The following PIK3CD variants were observed in gnomAD, a reference collection of about 807,000 sequenced individuals.
PIK3CD encodes phosphatidylinositol-4,5-bisphosphate 3-kinase catalytic subunit delta.
In PIK3CD, 20 loss-of-function variants were observed where a neutral mutation model predicts 122.9. The ratio of observed to expected loss-of-function variants is 0.16; its 90% CI spans 0.11 to 0.24. The LOEUF is 0.24. Ranked by LOEUF, PIK3CD falls within the 10% of genes least tolerant of loss-of-function variation. The pLI, the probability that PIK3CD is intolerant of heterozygous loss-of-function variation, is 1.00. For synonymous variants in PIK3CD, 596 were observed against 593.4 expected (o/e 1.00, Z -0.06); for missense variants, 787 against 1,406.3 (o/e 0.56, Z 7.04).
At chr1:9,666,329 C>G (rs1215285224) in intron 1 of PIK3CD, among the ~76,000 whole-genome samples, 1 of 144,802 alleles carries the variant, frequency 6.9e-6, no homozygotes, top group African/African-American at 2.6e-5. Context: ...CAACCTCTGC[C>G]CCCCCAGGTT....
chr1:9,690,015 T>G (rs980880869), intron 1 of PIK3CD, among the ~76,000 whole-genome samples: 1 of 152,174 alleles, frequency 6.6e-6, no homozygotes, highest in Non-Finnish European at 1.5e-5. Context: ...CTGCCGCCCT[T>G]GATGGGATCC....
chr1:9,728,135 A>G lies in PIK3CD; in HGVS notation c.*1089A>G, dbSNP rs999416108. On this transcript the variant is annotated 3_prime_UTR_variant, in exon 24 of 24. Coordinates refer to ENST00000377346, the MANE Select transcript of PIK3CD (RefSeq NM_005026.5). ...TGCCATTGTCTAAGCCACCTCTGAA[A>G]GCAGGTTTTAACAAAAGGATGAGGC... 1 of 152,386 alleles carries G rather than the reference A, an allele frequency of 6.6e-6. No individual in the cohort carries two copies. The highest frequency in any genetic ancestry group is 2.4e-5 in the African/African-American group (1 of 41,438). 9.4% of individuals were successfully genotyped at this position (152,386 alleles called of 1,614,324 possible).
At chr1:9,629,091 C>T in the PIK3CD span, among the ~76,000 whole-genome samples, 84 of 152,198 alleles carry the variant, frequency 5.5e-4, no homozygotes, top group East Asian at 4.3e-3. Context: ...CTGAGGTCAC[C>T]TCTTCCCCTG....
the PIK3CD span, among the ~76,000 whole-genome samples, chr1:9,628,772 G>T: frequency 6.6e-6 from 1 of 151,972 alleles, no homozygotes; most frequent in Non-Finnish European, 1.5e-5. Flanking sequence ...GGAAGAGCTG[G>T]TGGCCAGGGT....
Position 9,723,014 on chromosome 1 carries a change from C to A in PIK3CD, c.2427-111C>A. 2 of 1,061,748 alleles carry A rather than the reference C, an allele frequency of 1.9e-6. No homozygotes were observed. The highest frequency in any genetic ancestry group is 2.9e-6 in the Non-Finnish European group (2 of 683,800). 65.8% of individuals were successfully genotyped at this position (1,061,748 alleles called of 1,614,324 possible). On this transcript the variant is annotated intron_variant, in intron 19 of 23. Transcript: ENST00000377346. This position sits in a 1 kb window ranked among gnomAD's most constrained non-coding sequence, Gnocchi z 4.9. ...CTCACCTGCTTTTTAGCAATGTGGG[C>A]AGCAGCATCTTCTGTGGCTTTTTGG...
chr1:9,702,068 C>T (rs1646655218), intron 2 of PIK3CD, among the ~76,000 whole-genome samples: 1 of 151,272 alleles, frequency 6.6e-6, no homozygotes, highest in South Asian at 2.1e-4. Flanking sequence ...GATCTCGGCT[C>T]ACTGCAACCT....
chr1:9,719,250 G>A lies in PIK3CD; in HGVS notation c.1242+335G>A, dbSNP rs1234849895. On this transcript the variant is annotated intron_variant, in intron 9 of 23. Transcript: ENST00000377346. The surrounding 1 kb of genome is among the most constrained non-coding windows in gnomAD (Gnocchi z 5.5). The stretch of plus-strand genomic sequence containing the variant: ...GCCTGAGTCAGCGGCTGGCCGGGAG[G>A]CGTAGTGGCTGGGTGCTGAGTCACG... Among the ~76,000 whole-genome samples the A allele has an allele frequency of 1.3e-5, 2 of 152,364 alleles. No individual in the cohort carries two copies. The highest frequency in any genetic ancestry group is 4.8e-5 in the African/African-American group (2 of 41,584).
At chr1:9,644,608 G>A in the PIK3CD span, among the ~76,000 whole-genome samples, 257 of 152,104 alleles carry the variant, frequency 1.7e-3, 3 homozygotes, top group Non-Finnish European at 2.2e-3. Context: ...TGATAGAATC[G>A]GCTGCTGCCT....
rs1056826734 is a variant in PIK3CD, at chr1:9,710,742, G to A, written c.141+146G>A. On this transcript the variant is annotated intron_variant, in intron 3 of 23. Coordinates refer to ENST00000377346, the MANE Select transcript of PIK3CD (RefSeq NM_005026.5). This position sits in a 1 kb window ranked among gnomAD's most constrained non-coding sequence, Gnocchi z 4.7. ...ACAGATGCACTGCTTTTCAGACTTG[G>A]GATCCTCAGATGAGAATTTTAAAAG... 1.7e-5 allele frequency: 15 copies of A among 862,850 alleles called. No individual in the cohort carries two copies. Among genetic ancestry groups the A allele is most frequent in the Non-Finnish European group, 2.7e-5 (14 of 519,376 alleles). The allele number at this position is 862,850 out of a possible 1,614,324, so 53.4% of individuals were successfully genotyped here.
Position 9,654,485 on chromosome 1 carries a change from A to ACTCC in PIK3CD, c.-138+2683_-138+2684insCTCC, listed in dbSNP as rs55851927. The ACTCC allele has an allele frequency of 7.2e-4, 906 of 1,259,818 alleles. 7 individuals are homozygous for ACTCC. The African/African-American group carries it at 0.013, about 17-fold the overall frequency. The allele number at this position is 1,259,818 out of a possible 1,614,324, so 78.0% of individuals were successfully genotyped here. ...CAGACAGTCCACCAATGGTTGTGCGAAAGCCAGCCCGCTTTCGCACAACTG... is the reference window on the plus strand; with the variant it reads ...CAGACAGTCCACCAATGGTTGTGCGACTCCAAGCCAGCCCGCTTTCGCACAACTG... On this transcript the variant is annotated intron_variant, in intron 1 of 23. Coordinates refer to ENST00000377346, the MANE Select transcript of PIK3CD (RefSeq NM_005026.5).
intron 2 of PIK3CD, among the ~76,000 whole-genome samples, chr1:9,697,046 A>G (rs186466082): frequency 6.7e-6 from 1 of 149,904 alleles, no homozygotes; most frequent in Admixed American, 6.7e-5. Context: ...CCTAGGGGAC[A>G]GAGTAAGATC....
rs1430306097 is a variant in PIK3CD at position 9,684,180 on chromosome 1, T to C, written c.-137-7287T>C. ...AAGAGGAGGGGACACAGAGGCCATC[T>C]CTCAATGGGAGGAGTCCCTGCAACC... On this transcript the variant is annotated intron_variant, in intron 1 of 23. Transcript: ENST00000377346. Among the ~76,000 whole-genome samples the C allele has an allele frequency of 5.9e-5, 9 of 152,130 alleles. No homozygotes were observed. The South Asian group carries it at 1.7e-3, about 28-fold the overall frequency.
chr1:9,678,876 CA>C (rs1284741216), intron 1 of PIK3CD, among the ~76,000 whole-genome samples: 8 of 152,280 alleles, frequency 5.3e-5, no homozygotes, highest in African/African-American at 1.9e-4. Flanking sequence ...GGGCTTTCAG[CA>C]AGGATCGACT....
rs1286990924 is a variant in PIK3CD at position 9,694,992 on chromosome 1, CAGAG to C, written c.-33+3427_-33+3430del. 4.1e-5 allele frequency among the ~76,000 whole-genome samples: 6 copies of C among 147,256 alleles called. No individual in the cohort carries two copies. In the South Asian group the frequency reaches 8.7e-4, roughly 21 times the overall value. On this transcript the variant is annotated intron_variant, in intron 2 of 23. Transcript: ENST00000377346. ...CAAAAAAGAGAGAGAGAGAGAGAGACAGAGAGAGACTTCTAGTGTGAAAGACAGA... is the reference window on the plus strand; with the variant it reads ...CAAAAAAGAGAGAGAGAGAGAGAGACAGAGACTTCTAGTGTGAAAGACAGA...
At chr1:9,682,111 T>C (rs1486767994) in intron 1 of PIK3CD, among the ~76,000 whole-genome samples, 1 of 151,932 alleles carries the variant, frequency 6.6e-6, no homozygotes, top group Non-Finnish European at 1.5e-5. Context: ...TTTGTAGAAA[T>C]AGGGTTTTGC....
intron 1 of PIK3CD, among the ~76,000 whole-genome samples, chr1:9,686,365 CTTT>C (rs59087456): frequency 3.6e-5 from 5 of 137,674 alleles, no homozygotes; most frequent in Non-Finnish European, 3.2e-5. Flanking sequence ...GGCTAATTTT[CTTT>C]TTTTTTTTTT....
chr1:9,668,967 T>C (rs1645242892), intron 1 of PIK3CD, among the ~76,000 whole-genome samples: 1 of 152,130 alleles, frequency 6.6e-6, no homozygotes, highest in Non-Finnish European at 1.5e-5. Flanking sequence ...GGCTAAGGAC[T>C]CACTAATGGT....
In PIK3CD at chr1:9,722,622, C is replaced by A. The variant is rs371461473; in HGVS notation, c.2426+16C>A. The A allele has an allele frequency of 9.0e-5, 144 of 1,603,158 alleles. No individual in the cohort carries two copies. The highest frequency in any genetic ancestry group is 7.2e-4 in the Admixed American group (43 of 59,990). On this transcript the variant is annotated intron_variant, in intron 19 of 23. Transcript: ENST00000377346. The surrounding 1 kb of genome is among the most constrained non-coding windows in gnomAD (Gnocchi z 7.6). ...TGGACCTGAGGTGAGGACCCCCACC[C>A]CACATCGTCCCTTGGTGTCTGTGCC...
intron 1 of PIK3CD, chr1:9,654,508 C>CCATTGG: frequency 3.3e-6 from 2 of 598,358 alleles, no homozygotes; most frequent in Non-Finnish European, 4.8e-6. Context: ...TTTCGCACAA[C>CCATTGG]TGTCCGATGG....
Sources: allele counts gnomAD v4.1 joint callset (sites outside exome capture counted in the v4.1 genomes callset), GRCh38; gene constraint gnomAD v4.1.1; non-coding constraint Gnocchi (gnomAD v3.1); transcripts MANE v1.5; gene names NCBI Gene and HGNC (gene_info 2026-07-23, HGNC 2026-07-21).